NKAIN2: variants seen among roughly 807,000 people sequenced by gnomAD.
The protein encoded by NKAIN2 is sodium/potassium-transporting ATPase subunit beta-1-interacting protein 2.
Under a neutral mutation model 32.6 loss-of-function variants are expected in NKAIN2, and 14 were observed. The observed-to-expected ratio is 0.43, with a 90% CI of 0.28 to 0.67. NKAIN2 has a LOEUF of 0.67. Ranked by LOEUF, NKAIN2 falls within the 30% of genes least tolerant of loss-of-function variation. The probability of loss-of-function intolerance (pLI) is 0.17; values close to 1 mark genes in which losing one functional copy is unlikely to be tolerated. For synonymous variants in NKAIN2, 80 were observed against 87.2 expected, an observed-to-expected ratio of 0.92 and a Z score of 0.46; for missense variants, 198 against 258.3, an observed-to-expected ratio of 0.77 and a Z score of 1.60.
At chr6:124,085,767 T>G (rs568842317) in intron 1 of NKAIN2, among the ~76,000 whole-genome samples, 16 of 152,076 alleles carry the variant, frequency 1.1e-4, no homozygotes, top group African/African-American at 3.9e-4. Flanking sequence ...CTGCAATGTG[T>G]CTGGCATCAA....
chr6:123,939,395 C>A (rs1440187093), intron 1 of NKAIN2, among the ~76,000 whole-genome samples: 1 of 151,916 alleles, frequency 6.6e-6, no homozygotes, highest in African/African-American at 2.4e-5. Context: ...ATCCTCATAA[C>A]CCATTTACTC....
intron 3 of NKAIN2, among the ~76,000 whole-genome samples, chr6:124,484,831 G>A (rs1212901571): frequency 6.6e-6 from 1 of 152,138 alleles, no homozygotes; most frequent in Admixed American, 6.5e-5. Flanking sequence ...ACATGCATGT[G>A]TGTATGTCCT....
chr6:123,910,407 T>A (rs1582760868), intron 1 of NKAIN2, among the ~76,000 whole-genome samples: 1 of 152,168 alleles, frequency 6.6e-6, no homozygotes, highest in African/African-American at 2.4e-5. Flanking sequence ...GACTTTTCTT[T>A]TAAGTAGTCT....
At chr6:124,674,594 T>C (rs1396421827) in intron 4 of NKAIN2, among the ~76,000 whole-genome samples, 2 of 152,028 alleles carry the variant, frequency 1.3e-5, no homozygotes, top group Non-Finnish European at 2.9e-5. Flanking sequence ...AAGTTTATTC[T>C]TAAGTATTTT....
intron 2 of NKAIN2, among the ~76,000 whole-genome samples, chr6:124,338,439 A>G (rs942101847): frequency 6.6e-6 from 1 of 152,200 alleles, no homozygotes; most frequent in African/African-American, 2.4e-5. Flanking sequence ...TATTCTAACT[A>G]AAAAGTATTA....
At chr6:124,685,238 G>A (rs1055291927) in intron 4 of NKAIN2, among the ~76,000 whole-genome samples, 4 of 152,094 alleles carry the variant, frequency 2.6e-5, no homozygotes, top group Non-Finnish European at 5.9e-5. Context: ...AGAAAATGGA[G>A]TAACATTAAA....
chr6:124,508,078 C>A (rs1778557957), intron 3 of NKAIN2, among the ~76,000 whole-genome samples: 1 of 128,884 alleles, frequency 7.8e-6, no homozygotes, highest in Non-Finnish European at 1.6e-5. Context: ...TATGGTGAGA[C>A]CCCATCTGTA....
intron 1 of NKAIN2, among the ~76,000 whole-genome samples, chr6:123,971,576 G>A (rs1455324586): frequency 1.3e-5 from 2 of 152,076 alleles, no homozygotes; most frequent in African/African-American, 4.8e-5. Context: ...CTAATATCTT[G>A]AGCGGATATT....
intron 2 of NKAIN2, among the ~76,000 whole-genome samples, chr6:124,307,262 C>T (rs1796545696): frequency 6.6e-6 from 1 of 152,078 alleles, no homozygotes; most frequent in African/African-American, 2.4e-5. Flanking sequence ...TTTAACAATT[C>T]ACTAGTAAAA....
intron 1 of NKAIN2, among the ~76,000 whole-genome samples, chr6:124,101,769 A>G (rs1206311186): frequency 6.6e-6 from 1 of 152,112 alleles, no homozygotes; most frequent in African/African-American, 2.4e-5. Context: ...TCATGAACCA[A>G]GAGTACATGA....
At chr6:124,200,927 G>T (rs991210819) in intron 1 of NKAIN2, among the ~76,000 whole-genome samples, 1 of 151,966 alleles carries the variant, frequency 6.6e-6, no homozygotes, top group Non-Finnish European at 1.5e-5. Flanking sequence ...CTTGTCATAG[G>T]AAAAAGCCGT....
chr6:124,663,356 G>A (rs1772585893), intron 4 of NKAIN2, among the ~76,000 whole-genome samples: 1 of 151,954 alleles, frequency 6.6e-6, no homozygotes, highest in African/African-American at 2.4e-5. Context: ...GCTTGAAACT[G>A]GGAGGTGGAG....
At chr6:124,051,184 A>AT (rs748176073) in intron 1 of NKAIN2, among the ~76,000 whole-genome samples, 17 of 152,106 alleles carry the variant, frequency 1.1e-4, no homozygotes, top group Non-Finnish European at 2.2e-4. Context: ...CTTTATAGAC[A>AT]TTTTTTGTGT....
intron 1 of NKAIN2, among the ~76,000 whole-genome samples, chr6:123,915,237 A>G (rs1775426770): frequency 6.6e-6 from 1 of 152,144 alleles, no homozygotes; most frequent in Non-Finnish European, 1.5e-5. Context: ...TAGGTAACCT[A>G]TTCATACTGC....
chr6:124,198,227 C>A (rs779035384), intron 1 of NKAIN2, among the ~76,000 whole-genome samples: 1 of 151,940 alleles, frequency 6.6e-6, no homozygotes, highest in Non-Finnish European at 1.5e-5. Flanking sequence ...TTTAGCCATT[C>A]CTATAGGTAT....
intron 2 of NKAIN2, among the ~76,000 whole-genome samples, chr6:124,300,931 T>C (rs1796266731): frequency 6.6e-6 from 1 of 152,040 alleles, no homozygotes; most frequent in African/African-American, 2.4e-5. Flanking sequence ...AAAAACCCAT[T>C]TTCTGGGTAT....
intron 3 of NKAIN2, among the ~76,000 whole-genome samples, chr6:124,505,430 G>A (rs1247714220): frequency 6.6e-6 from 1 of 152,138 alleles, no homozygotes; most frequent in East Asian, 1.9e-4. Context: ...ATCTAAATGC[G>A]TTTTAACTCC....
At chr6:124,534,770 A>G (rs1205109867) in intron 3 of NKAIN2, among the ~76,000 whole-genome samples, 1 of 152,044 alleles carries the variant, frequency 6.6e-6, no homozygotes, top group Admixed American at 6.5e-5. Flanking sequence ...TTTCCAACCC[A>G]CATTAATATC....
chr6:124,547,075 C>T (rs1380819483), intron 3 of NKAIN2, among the ~76,000 whole-genome samples: 1 of 151,896 alleles, frequency 6.6e-6, no homozygotes, highest in Non-Finnish European at 1.5e-5. Context: ...AAATGAACAT[C>T]AAGGTTTTTT....
Sources: allele counts gnomAD v4.1 joint callset (sites outside exome capture counted in the v4.1 genomes callset), GRCh38; gene constraint gnomAD v4.1.1; transcripts MANE v1.5; gene names NCBI Gene and HGNC (gene_info 2026-07-23, HGNC 2026-07-21).